The following SAMMSON variants were observed in gnomAD, a reference collection of about 807,000 sequenced individuals.
SAMMSON encodes the protein long intergenic non-protein coding RNA 1212.
At chr3:70,195,133 A>G (rs1043286208) in intron 4 of SAMMSON, among the ~76,000 whole-genome samples, 1 of 152,186 alleles carries the variant, frequency 6.6e-6, no homozygotes, top group African/African-American at 2.4e-5. Flanking sequence ...AAGTCAGTTC[A>G]TGGGGCCTCT....
intron 3 of SAMMSON, among the ~76,000 whole-genome samples, chr3:70,066,629 AT>A (rs1213170830): frequency 6.6e-6 from 1 of 152,136 alleles, no homozygotes; most frequent in Non-Finnish European, 1.5e-5. Context: ...ACCACATCAG[AT>A]TACTATTAAC....
At chr3:70,232,193 C>T (rs1310997652) in intron 4 of SAMMSON, among the ~76,000 whole-genome samples, 1 of 152,264 alleles carries the variant, frequency 6.6e-6, no homozygotes, top group East Asian at 1.9e-4. Context: ...TATTGATCTG[C>T]TCTGTGAGGG....
chr3:70,275,913 T>C (rs1160670026), intron 6 of SAMMSON, among the ~76,000 whole-genome samples: 2 of 152,192 alleles, frequency 1.3e-5, no homozygotes, highest in Non-Finnish European at 2.9e-5. Flanking sequence ...TTGCTCATTG[T>C]CGATGCAAAT....
intron 7 of SAMMSON, among the ~76,000 whole-genome samples, chr3:70,310,889 C>A (rs1702448432): frequency 6.6e-6 from 1 of 152,096 alleles, no homozygotes; most frequent in African/African-American, 2.4e-5. Context: ...GGCATTGAAT[C>A]TCAGCTTTGG....
At chr3:70,165,768 T>C (rs2067634369) in intron 4 of SAMMSON, among the ~76,000 whole-genome samples, 1 of 151,992 alleles carries the variant, frequency 6.6e-6, no homozygotes, top group Non-Finnish European at 1.5e-5. Flanking sequence ...TTCTTGCTCA[T>C]CAAATTTACC....
At chr3:70,020,208 A>G (rs1253626100) in intron 3 of SAMMSON, among the ~76,000 whole-genome samples, 1 of 152,120 alleles carries the variant, frequency 6.6e-6, no homozygotes, top group Non-Finnish European at 1.5e-5. Flanking sequence ...TATGGATCTA[A>G]AAGTCATGTT....
intron 6 of SAMMSON, chr3:70,272,097 C>T (rs1245579679): frequency 6.6e-6 from 1 of 152,144 alleles, no homozygotes; most frequent in Non-Finnish European, 1.5e-5. Context: ...TAACAACAAT[C>T]CCCAAATATC....
At chr3:70,062,328 A>G (rs1559783431) in intron 3 of SAMMSON, among the ~76,000 whole-genome samples, 2 of 152,086 alleles carry the variant, frequency 1.3e-5, no homozygotes, top group Non-Finnish European at 2.9e-5. Flanking sequence ...CTGACATTAT[A>G]TTAAGTAGAA....
At chr3:70,434,032 C>G (rs1701437043) in intron 2 of SAMMSON, among the ~76,000 whole-genome samples, 1 of 152,196 alleles carries the variant, frequency 6.6e-6, no homozygotes, top group Non-Finnish European at 1.5e-5. Flanking sequence ...ACCACACTTT[C>G]TTGATTGACG....
intron 3 of SAMMSON, among the ~76,000 whole-genome samples, chr3:70,041,639 TA>T (rs1252605732): frequency 2.6e-5 from 4 of 151,836 alleles, no homozygotes; most frequent in African/African-American, 9.7e-5. Context: ...AAAATACCAA[TA>T]AAAAATAACA....
At chr3:70,070,892 A>C (rs1371835483) in intron 3 of SAMMSON, among the ~76,000 whole-genome samples, 1 of 152,054 alleles carries the variant, frequency 6.6e-6, no homozygotes, top group African/African-American at 2.4e-5. Context: ...TAAAAACCCA[A>C]ATTTTTAGTA....
At chr3:70,070,591 A>T (rs924767986) in intron 3 of SAMMSON, among the ~76,000 whole-genome samples, 7 of 145,228 alleles carry the variant, frequency 4.8e-5, no homozygotes, top group Non-Finnish European at 7.6e-5. Context: ...AAAGGTTGCT[A>T]AAAAAAAAAA....
At chr3:70,176,921 G>T (rs1701013568) in intron 4 of SAMMSON, among the ~76,000 whole-genome samples, 1 of 152,034 alleles carries the variant, frequency 6.6e-6, no homozygotes, top group Admixed American at 6.5e-5. Flanking sequence ...AAGTCTGAAG[G>T]GTGCGAGTAT....
chr3:70,379,460 A>C (rs554497585), intron 9 of SAMMSON, among the ~76,000 whole-genome samples: 1 of 152,310 alleles, frequency 6.6e-6, no homozygotes, highest in South Asian at 2.1e-4. Context: ...AAAAGGAAGC[A>C]GGATTGGGCA....
At chr3:70,368,295 T>C (rs6549338) in intron 9 of SAMMSON, among the ~76,000 whole-genome samples, 109,246 of 151,056 alleles carry the variant, frequency 0.72, 39,796 homozygotes, top group East Asian at 0.85. Flanking sequence ...TTTTTAATGA[T>C]ATTAAAAACA....
intron 4 of SAMMSON, among the ~76,000 whole-genome samples, chr3:70,230,490 G>A (rs1025624690): frequency 6.5e-5 from 5 of 76,424 alleles, no homozygotes; most frequent in Non-Finnish European, 9.2e-5. Context: ...AGACAAATTC[G>A]AGATGAATCA....
intron 4 of SAMMSON, among the ~76,000 whole-genome samples, chr3:70,135,021 A>G (rs2067499976): frequency 6.6e-6 from 1 of 152,200 alleles, no homozygotes; most frequent in Admixed American, 6.5e-5. Context: ...TTGTATTTTT[A>G]TCTGCACTAA....
At chr3:70,018,094 C>G (rs1431978044) in intron 3 of SAMMSON, among the ~76,000 whole-genome samples, 3 of 152,098 alleles carry the variant, frequency 2.0e-5, no homozygotes, top group Admixed American at 1.3e-4. Context: ...TGATGCTGGC[C>G]TCATAAAATG....
At chr3:70,020,179 T>A (rs1218594196) in intron 3 of SAMMSON, among the ~76,000 whole-genome samples, 2 of 152,172 alleles carry the variant, frequency 1.3e-5, no homozygotes, top group Middle Eastern at 3.2e-3. Flanking sequence ...ACGTCAATTT[T>A]GCAGAAAAGA....
Sources: allele counts gnomAD v4.1 joint callset (sites outside exome capture counted in the v4.1 genomes callset), GRCh38; gene constraint gnomAD v4.1.1; transcripts MANE v1.5; gene names NCBI Gene and HGNC (gene_info 2026-07-23, HGNC 2026-07-21).